Variants in ADGRB3 observed in about 807,000 individuals in gnomAD.
ADGRB3 encodes brain-specific angiogenesis inhibitor 3.
ADGRB3 carries 37 observed loss-of-function variants against 193.4 expected under a neutral mutation model. That is an observed-to-expected ratio of 0.19 (90% CI 0.15 to 0.25). The LOEUF is 0.25. Among genes scored for constraint, ADGRB3 ranks in the 10% least tolerant of loss-of-function variants. The pLI is 1.00. For missense variants in ADGRB3, 1,637 were observed against 1,852.9 expected (o/e 0.88, Z 2.14); for synonymous variants, 690 against 644.2 (o/e 1.07, Z -1.08).
At chr6:69,347,723 T>C (rs1769132347) in intron 26 of ADGRB3, among the ~76,000 whole-genome samples, 1 of 151,992 alleles carries the variant, frequency 6.6e-6, no homozygotes, top group African/African-American at 2.4e-5. Context: ...AGGTCAAGAC[T>C]GCAGTGAGCC....
intron 13 of ADGRB3, among the ~76,000 whole-genome samples, chr6:69,040,663 A>G (rs1771029024): frequency 8.3e-6 from 1 of 121,036 alleles, no homozygotes; most frequent in Non-Finnish European, 1.6e-5. Flanking sequence ...AGGCTTTGAA[A>G]TGACTGATGG....
At chr6:68,940,721 G>C (rs1302075130) in intron 5 of ADGRB3, among the ~76,000 whole-genome samples, 1 of 151,576 alleles carries the variant, frequency 6.6e-6, no homozygotes, top group Non-Finnish European at 1.5e-5. Flanking sequence ...GTGAAACCCC[G>C]TCTCCAGTAA....
At chr6:69,235,959 A>T (rs1384366869) in intron 19 of ADGRB3, among the ~76,000 whole-genome samples, 1 of 151,836 alleles carries the variant, frequency 6.6e-6, no homozygotes, top group Non-Finnish European at 1.5e-5. Flanking sequence ...ATTGAAAAAT[A>T]ATCTAAATAT....
chr6:69,318,829 G>GGT (rs982369513), intron 20 of ADGRB3, among the ~76,000 whole-genome samples: 4 of 145,920 alleles, frequency 2.7e-5, no homozygotes, highest in Non-Finnish European at 6.0e-5. Context: ...GCTTGTCAAG[G>GGT]GTGTGTGTAT....
At chr6:68,666,453 A>G (rs1002255646) in intron 3 of ADGRB3, among the ~76,000 whole-genome samples, 1 of 151,818 alleles carries the variant, frequency 6.6e-6, no homozygotes, top group African/African-American at 2.4e-5. Context: ...ACTTGTCCCT[A>G]TCATTACACT....
rs191546445 is a variant in ADGRB3 at position 69,093,003 on chromosome 6, G to A, written c.2480+16965G>A. On this transcript the variant is annotated intron_variant, in intron 17 of 31. Coordinates refer to ENST00000370598, the MANE Select transcript of ADGRB3 (RefSeq NM_001704.3). ...TCAGGAGGAGAGGGAGTAGGAAGCC[G>A]ACATTCAGGGGTGGAAGGGTGAACA... Among the ~76,000 whole-genome samples the A allele has an allele frequency of 1.8e-3, 273 of 150,696 alleles. 4 individuals carry two copies. The highest frequency in any genetic ancestry group is 5.0e-3 in the Admixed American group (76 of 15,112).
At chr6:68,836,625 G>C (rs1181525346) in intron 3 of ADGRB3, among the ~76,000 whole-genome samples, 1 of 152,022 alleles carries the variant, frequency 6.6e-6, no homozygotes, top group Non-Finnish European at 1.5e-5. Flanking sequence ...TGGAAAAACG[G>C]CATTGCCCTG....
At chr6:69,026,308 A>G (rs977411817) in intron 13 of ADGRB3, among the ~76,000 whole-genome samples, 22 of 152,172 alleles carry the variant, frequency 1.4e-4, no homozygotes, top group African/African-American at 5.3e-4. Flanking sequence ...TCATCTGCAA[A>G]GCGGTATTTG....
At chr6:69,241,364 A>G (rs140359635) in intron 20 of ADGRB3, among the ~76,000 whole-genome samples, 214 of 152,104 alleles carry the variant, frequency 1.4e-3, no homozygotes, top group African/African-American at 4.9e-3. Context: ...AAATATTAAT[A>G]CAATATTTTA....
At chr6:69,345,018 A>G (rs1234778487) in intron 26 of ADGRB3, among the ~76,000 whole-genome samples, 1 of 151,530 alleles carries the variant, frequency 6.6e-6, no homozygotes, top group Non-Finnish European at 1.5e-5. Flanking sequence ...TTAGAAAGCT[A>G]TGACTGAAGC....
intron 17 of ADGRB3, among the ~76,000 whole-genome samples, chr6:69,134,046 A>G (rs556599835): frequency 6.6e-6 from 1 of 152,148 alleles, no homozygotes; most frequent in Non-Finnish European, 1.5e-5. Context: ...GTAGTATTCC[A>G]TGGTATACAT....
In ADGRB3 at chr6:69,389,110, G is replaced by A. The variant is rs550859009; in HGVS notation, c.*219G>A. On this transcript the variant is annotated 3_prime_UTR_variant, in exon 32 of 32. Transcript: ENST00000370598. The stretch of plus-strand genomic sequence containing the variant: ...TGACCATCCTGTGTTGTAAGTACCC[G>A]TGGAATGGATTTGTAAGGTAATCTT... The A allele has an allele frequency of 2.0e-4, 78 of 395,400 alleles. 1 individual carries two copies. The highest frequency in any genetic ancestry group is 3.2e-4 in the Non-Finnish European group (72 of 221,720). 24.5% of individuals were successfully genotyped at this position (395,400 alleles called of 1,614,324 possible). A position where few individuals can be genotyped will look rare whatever the true frequency, so the allele number is the denominator to read the frequency against.
At position 69,058,703 on chromosome 6, in the gene ADGRB3, G is replaced by A. The variant is rs191261833; in HGVS notation, c.2334-4231G>A. Among the ~76,000 whole-genome samples the A allele has an allele frequency of 9.7e-4, 147 of 151,904 alleles. No individual in the cohort carries two copies. In the Middle Eastern group the frequency reaches 0.02, roughly 21 times the overall value. On this transcript the variant is annotated intron_variant, in intron 15 of 31. Coordinates refer to ENST00000370598, the MANE Select transcript of ADGRB3 (RefSeq NM_001704.3). Reference sequence around the variant, plus strand: ...TTTCTTGTGATTTCTTCTTTGATCCGCTGGTTGTTCAAAAGTGTGCTGTTT... The same window carrying A: ...TTTCTTGTGATTTCTTCTTTGATCCACTGGTTGTTCAAAAGTGTGCTGTTT...
intron 11 of ADGRB3, among the ~76,000 whole-genome samples, chr6:68,996,450 C>A (rs1348847878): frequency 1.3e-5 from 2 of 152,170 alleles, no homozygotes; most frequent in Non-Finnish European, 2.9e-5. Context: ...AGCTTCAAGT[C>A]TTCCCGAATG....
intron 3 of ADGRB3, among the ~76,000 whole-genome samples, chr6:68,696,460 C>A (rs530701134): frequency 1.3e-5 from 2 of 151,394 alleles, no homozygotes; most frequent in Middle Eastern, 6.8e-3. Context: ...TTTGCACAAC[C>A]TAATTTGGAA....
intron 3 of ADGRB3, among the ~76,000 whole-genome samples, chr6:68,888,431 A>C (rs1004648781): frequency 6.6e-6 from 1 of 152,116 alleles, no homozygotes; most frequent in East Asian, 1.9e-4. Context: ...GCATTTGATC[A>C]TATAGACTTG....
chr6:69,292,310 T>C (rs902460171), intron 20 of ADGRB3, among the ~76,000 whole-genome samples: 3 of 152,128 alleles, frequency 2.0e-5, no homozygotes, highest in Non-Finnish European at 4.4e-5. Context: ...GAATAATTAC[T>C]ATTAAGAAGT....
intron 17 of ADGRB3, chr6:69,232,456 C>T (rs1435251608): frequency 2.0e-6 from 3 of 1,512,928 alleles, no homozygotes. Context: ...TTGAACCAGG[C>T]TCTCTTCCCT....
At chr6:68,877,451 A>G (rs1288532287) in intron 3 of ADGRB3, among the ~76,000 whole-genome samples, 1 of 152,118 alleles carries the variant, frequency 6.6e-6, no homozygotes, top group Non-Finnish European at 1.5e-5. Flanking sequence ...TGTAACATTA[A>G]GAAGTATTTT....
Sources: gnomAD v4.1 joint callset for allele counts (sites outside exome capture counted in the v4.1 genomes callset) on GRCh38, gnomAD v4.1.1 for gene constraint, MANE v1.5 for transcripts, NCBI Gene and HGNC (gene_info 2026-07-23, HGNC 2026-07-21) for gene names.